Variants in VWA3B observed in about 807,000 individuals in gnomAD.
The protein encoded by VWA3B is von Willebrand factor A domain containing 3B.
VWA3B carries 138 observed loss-of-function variants against 158.3 expected under a neutral mutation model. That is an observed-to-expected ratio of 0.87 (90% confidence interval 0.76 to 1.00). The LOEUF (loss-of-function observed/expected upper bound fraction) is 1.00, where lower values mean the gene tolerates loss of function less well. VWA3B is among the 50% of genes least tolerant of loss of function. The pLI, the probability that VWA3B is intolerant of heterozygous loss-of-function variation, is 0.00. For missense variants in VWA3B, 1,555 were observed against 1,565.1 expected, an observed-to-expected ratio of 0.99 and a Z score of 0.11; for synonymous variants, 596 against 587.3, an observed-to-expected ratio of 1.01 and a Z score of -0.21.
chr2:98,094,994 T>TA (rs1382263648), intron 2 of VWA3B, among the ~76,000 whole-genome samples: 1 of 152,244 alleles, frequency 6.6e-6, no homozygotes, highest in Non-Finnish European at 1.5e-5. Flanking sequence ...TGTCTGTTTT[T>TA]ATGCCAGTAT....
intron 8 of VWA3B, among the ~76,000 whole-genome samples, chr2:98,168,039 A>G (rs1399356591): frequency 6.6e-6 from 1 of 152,240 alleles, no homozygotes; most frequent in Admixed American, 6.5e-5. Flanking sequence ...CCAGTACCCA[A>G]CAAGGTCAAA....
chr2:98,204,789 T>C lies in VWA3B; in HGVS notation c.1738-7141T>C, dbSNP rs564075436. On this transcript the variant is annotated intron_variant, in intron 12 of 27. Transcript: ENST00000477737. ...TGGAGTGGATTGTGTAAAACTTGTG[T>C]TAATTCTCCTTTGAATGTTTGATAA... Among the ~76,000 whole-genome samples the C allele has an allele frequency of 8.9e-4, 135 of 152,310 alleles. 1 individual carries two copies. The highest frequency in any genetic ancestry group is 6.8e-3 in the Middle Eastern group (2 of 294).
intron 3 of VWA3B, 57 bp downstream of exon 3, chr2:98,115,803 G>T (rs1205790706): frequency 2.1e-6 from 3 of 1,414,950 alleles, no homozygotes; most frequent in Non-Finnish European, 2.0e-6. Context: ...CATCACATCG[G>T]AGAGTGCAGT....
chr2:98,193,034 C>A lies in VWA3B; in HGVS notation c.1603C>A (p.Gln535Lys), dbSNP rs1043623711. The change falls in exon 11 of 28, where the codon CAG becomes AAG. Residue 535 changes from glutamine (Q) to lysine (K), a missense_variant and splice_region_variant. Gln to Lys is a moderately conservative substitution (Grantham distance 53). Transcript: ENST00000477737. ...GAAGGACAAGATCATTCAGTTCATA[C>A]AGGTTAGATGGAACTGTCGGTTCAT... ...LVKDKIIQFIQEQLKYKSKFN... is the reference protein window; with the variant it reads ...LVKDKIIQFIKEQLKYKSKFN... The A allele has an allele frequency of 6.2e-7, 1 of 1,611,604 alleles. No homozygotes were observed. The highest frequency in any genetic ancestry group is 2.2e-5 in the East Asian group (1 of 44,874).
chr2:98,247,449 G>A (rs1686474969), intron 19 of VWA3B, among the ~76,000 whole-genome samples: 1 of 151,954 alleles, frequency 6.6e-6, no homozygotes, highest in South Asian at 2.1e-4. Context: ...TTTGCCTTTA[G>A]GACATGTAAT....
intron 24 of VWA3B, among the ~76,000 whole-genome samples, chr2:98,299,464 G>A (rs187061792): frequency 1.3e-4 from 20 of 152,332 alleles, no homozygotes; most frequent in African/African-American, 4.3e-4. Flanking sequence ...AGTGTGAGCC[G>A]GGAGGAGAAG....
intron 20 of VWA3B, 80 bp downstream of exon 20, chr2:98,250,516 GCT>G: frequency 9.2e-7 from 1 of 1,092,570 alleles, no homozygotes; most frequent in Non-Finnish European, 1.3e-6. Flanking sequence ...TTTTAGCTTA[GCT>G]TTTTTTTTTT....
chr2:98,315,207 C>T (rs1691063203), downstream of VWA3B, among the ~76,000 whole-genome samples: 1 of 152,114 alleles, frequency 6.6e-6, no homozygotes, highest in South Asian at 2.1e-4. Flanking sequence ...GCATTCATTG[C>T]CTCAGATGAT....
the VWA3B span, among the ~76,000 whole-genome samples, chr2:98,318,843 A>C: frequency 6.6e-6 from 1 of 152,210 alleles, no homozygotes; most frequent in African/African-American, 2.4e-5. Flanking sequence ...CTACCTATCT[A>C]TATATCTGCA....
At chr2:98,104,818 C>A (rs1161194824) in intron 2 of VWA3B, among the ~76,000 whole-genome samples, 1 of 151,854 alleles carries the variant, frequency 6.6e-6, no homozygotes, top group Non-Finnish European at 1.5e-5. Context: ...AATTGGCTTT[C>A]CTTGTTACAT....
intron 3 of VWA3B, among the ~76,000 whole-genome samples, chr2:98,116,147 C>G (rs547821572): frequency 3.3e-5 from 5 of 152,332 alleles, no homozygotes; most frequent in African/African-American, 1.2e-4. Context: ...GAGGCCTTTA[C>G]TCCCAGCAAT....
chr2:98,282,774 G>A (rs187777201), intron 22 of VWA3B, among the ~76,000 whole-genome samples: 1 of 152,286 alleles, frequency 6.6e-6, no homozygotes, highest in Admixed American at 6.5e-5. Flanking sequence ...TTTAGTATCT[G>A]TCCTTGTCCT....
chr2:98,159,379 G>T (rs1573938193), intron 7 of VWA3B, among the ~76,000 whole-genome samples: 1 of 152,068 alleles, frequency 6.6e-6, no homozygotes, highest in Non-Finnish European at 1.5e-5. Context: ...CTCCTGAGTA[G>T]CTGGGATTAC....
Position 98,162,911 on chromosome 2 carries a change from C to T in VWA3B, c.1049C>T (p.Thr350Met), listed in dbSNP as rs374632376. ...CAAGAGATGGAGGAAGCCTGCAGCACGCTGGCCCAGATCCAGAGGCTGGTG... is the reference window on the plus strand; with the variant it reads ...CAAGAGATGGAGGAAGCCTGCAGCATGCTGGCCCAGATCCAGAGGCTGGTG... ...VWQEMEEACSTLAQIQRLVAE... is the reference protein window; with the variant it reads ...VWQEMEEACSMLAQIQRLVAE... The change falls in exon 8 of 28, where the codon ACG (threonine) becomes ATG (methionine). Residue 350 changes from threonine to methionine, a missense_variant. Transcript: ENST00000477737. The T allele has an allele frequency of 7.4e-5, 120 of 1,613,932 alleles. No individual in the cohort carries two copies. The Admixed American group carries it at 1.2e-3, about 16-fold the overall frequency.
rs1690971819 is a variant in VWA3B at position 98,312,477 on chromosome 2, G to C, written c.*128G>C. 4.2e-6 allele frequency: 5 copies of C among 1,194,816 alleles called. No individual in the cohort carries two copies. The highest frequency in any genetic ancestry group is 5.7e-6 in the Non-Finnish European group (5 of 877,748). The allele number at this position is 1,194,816 out of a possible 1,614,324, so 74.0% of individuals were successfully genotyped here. A position where few individuals can be genotyped will look rare whatever the true frequency, so the allele number is the denominator to read the frequency against. The stretch of plus-strand genomic sequence containing the variant: ...CCTCCGCGCCGCCTATGCCTGCCCT[G>C]TCTGTAGCAAAGACTCCTCTCCCCT... On this transcript the variant is annotated 3_prime_UTR_variant, in exon 28 of 28. Coordinates refer to ENST00000477737, the MANE Select transcript of VWA3B (RefSeq NM_144992.5).
At chr2:98,148,157 A>C (rs1310573717) in intron 7 of VWA3B, among the ~76,000 whole-genome samples, 2 of 152,158 alleles carry the variant, frequency 1.3e-5, no homozygotes, top group Admixed American at 1.3e-4. Flanking sequence ...ACTGAATCAA[A>C]ATGTTTGAAC....
At chr2:98,207,097 G>A (rs780348225) in intron 12 of VWA3B, 27 of 524,144 alleles carry the variant, frequency 5.2e-5, no homozygotes, top group Non-Finnish European at 9.6e-5. Context: ...TGGCTCAAGG[G>A]TGTCTGCCTT....
chr2:98,110,367 A>G (rs1249833954), intron 2 of VWA3B, among the ~76,000 whole-genome samples: 3 of 151,624 alleles, frequency 2.0e-5, no homozygotes, highest in East Asian at 3.9e-4. Flanking sequence ...TCTTCTTTAT[A>G]TCTTCTATTT....
At chr2:98,288,237 T>C (rs1689278255) in intron 22 of VWA3B, among the ~76,000 whole-genome samples, 1 of 152,228 alleles carries the variant, frequency 6.6e-6, no homozygotes. Flanking sequence ...TTTAAGATTC[T>C]GGATCCTGTT....
Sources: gnomAD v4.1 joint callset for allele counts (sites outside exome capture counted in the v4.1 genomes callset) on GRCh38, gnomAD v4.1.1 for gene constraint, MANE v1.5 for transcripts, NCBI Gene and HGNC (gene_info 2026-07-23, HGNC 2026-07-21) for gene names.